Variants in FAM78A observed in about 807,000 individuals in gnomAD.
FAM78A encodes the protein family with sequence similarity 78 member A.
A neutral mutation model predicts 22.6 loss-of-function variants in FAM78A; 12 were observed. The observed-to-expected ratio is 0.53, with a 90% CI of 0.34 to 0.86. FAM78A has a LOEUF of 0.86. Ranked by LOEUF, FAM78A falls within the 40% of genes least tolerant of loss-of-function variation. The pLI is 0.02. For missense variants in FAM78A, 322 were observed against 396.1 expected (o/e 0.81, Z 1.59); for synonymous variants, 151 against 155.8 (o/e 0.97, Z 0.23).
At position 131,275,867 on chromosome 9, in the gene FAM78A, C is replaced by A; in HGVS notation, c.313G>T (p.Glu105Ter). Residue 105 changes from glutamate (E) to a stop codon, truncating the protein, a stop_gained, in exon 1 of 2, where the codon GAG becomes TAG. Transcript: ENST00000372271. LOFTEE classifies it high-confidence loss of function. This position sits in a 1 kb window ranked among gnomAD's most constrained non-coding sequence, Gnocchi z 4.6. The stretch of plus-strand genomic sequence containing the variant: ...CTCGGCCGTACTCACATGCCCTGCT[C>A]GCCGTACTGGTTGTAGAACTCCATG... ...SHMEFYNQYG[E>*]QGMSSWELPD... 6.3e-7 allele frequency: 1 copy of A among 1,590,518 alleles called. No individual in the cohort carries two copies. Among genetic ancestry groups the A allele is most frequent in the South Asian group, 1.1e-5 (1 of 87,742 alleles).
At chr9:131,269,537 C>T (rs188673410) in intron 1 of FAM78A, among the ~76,000 whole-genome samples, 15 of 151,768 alleles carry the variant, frequency 9.9e-5, no homozygotes, top group South Asian at 6.2e-4. Flanking sequence ...AGTGCAGTGG[C>T]GTGATCTCGG....
intron 1 of FAM78A, among the ~76,000 whole-genome samples, chr9:131,269,860 T>C (rs1835394958): frequency 6.6e-6 from 1 of 151,990 alleles, no homozygotes; most frequent in Admixed American, 6.6e-5. Flanking sequence ...GCCTCCAATA[T>C]GCAGGCCCTG....
At chr9:131,273,286 G>C (rs528349696) in intron 1 of FAM78A, among the ~76,000 whole-genome samples, 4 of 152,246 alleles carry the variant, frequency 2.6e-5, no homozygotes, top group Non-Finnish European at 5.9e-5. Flanking sequence ...CAAGGCCTAG[G>C]AGCCAAGACA....
intron 1 of FAM78A, among the ~76,000 whole-genome samples, chr9:131,267,425 G>A (rs1188221525): frequency 1.3e-5 from 2 of 152,132 alleles, no homozygotes; most frequent in Admixed American, 6.6e-5. Context: ...CCAGCTACTC[G>A]AGAAGCTAAG....
At chr9:131,264,300 GC>G (rs1274254563) in intron 1 of FAM78A, 4 of 409,964 alleles carry the variant, frequency 9.8e-6, no homozygotes, top group Non-Finnish European at 1.8e-5. Flanking sequence ...CCAGGCCCTG[GC>G]TCAGGCAAAG....
Position 131,260,718 on chromosome 9 carries a change from G to A in FAM78A, c.*104C>T, listed in dbSNP as rs1835252027. On this transcript the variant is annotated 3_prime_UTR_variant, in exon 2 of 2. Transcript: ENST00000372271. This position sits in a 1 kb window ranked among gnomAD's most constrained non-coding sequence, Gnocchi z 5.4. ...CACAGTGAGATCCGCCCGCTGGAGA[G>A]GGTAGAATGGTTGTATCTTGCTGAA... 3.4e-5 allele frequency: 48 copies of A among 1,403,262 alleles called. No homozygotes were observed. Among genetic ancestry groups the A allele is most frequent in the Non-Finnish European group, 4.3e-5 (45 of 1,051,946 alleles). The allele number at this position is 1,403,262 out of a possible 1,614,324, so 86.9% of individuals were successfully genotyped here.
rs1430427608 is a variant in FAM78A, at chr9:131,275,589, C to T, written c.323+268G>A. 1.3e-5 allele frequency among the ~76,000 whole-genome samples: 2 copies of T among 152,208 alleles called. No homozygotes were observed. Among genetic ancestry groups the T allele is most frequent in the Admixed American group, 6.5e-5 (1 of 15,280 alleles). On this transcript the variant is annotated intron_variant, in intron 1 of 1. Transcript: ENST00000372271. This position sits in a 1 kb window ranked among gnomAD's most constrained non-coding sequence, Gnocchi z 4.6. ...TGGGAGTAATGTCTCTCTGCTTTCTCGGCATCTTGCAGGGAAGGACACAGG... is the reference window on the plus strand; with the variant it reads ...TGGGAGTAATGTCTCTCTGCTTTCTTGGCATCTTGCAGGGAAGGACACAGG...
Position 131,265,737 on chromosome 9 carries a change from T to C in FAM78A, c.324-4387A>G, listed in dbSNP as rs924443077. 6.6e-6 allele frequency among the ~76,000 whole-genome samples: 1 copy of C among 152,090 alleles called. No individual in the cohort carries two copies. The highest frequency in any genetic ancestry group is 1.5e-5 in the Non-Finnish European group (1 of 68,002). On this transcript the variant is annotated intron_variant, in intron 1 of 1. Transcript: ENST00000372271. The surrounding 1 kb of genome is among the most constrained non-coding windows in gnomAD (Gnocchi z 4.3). ...GAGACGGCAGAGCCTTGAACCACGC[T>C]CAGGGCCCTTCTGAGTGCAGGCCCC...
At chr9:131,273,862 CCA>C (rs767225745) in intron 1 of FAM78A, among the ~76,000 whole-genome samples, 4 of 152,188 alleles carry the variant, frequency 2.6e-5, no homozygotes, top group South Asian at 2.1e-4. Flanking sequence ...CTTGCCAGCC[CCA>C]GTTTGCAGAT....
At chr9:131,267,509 G>A (rs940659962) in intron 1 of FAM78A, among the ~76,000 whole-genome samples, 2 of 152,018 alleles carry the variant, frequency 1.3e-5, no homozygotes, top group Non-Finnish European at 2.9e-5. Flanking sequence ...ACTCCAGCCT[G>A]GACAACAGAG....
chr9:131,269,823 C>T (rs1835394676), intron 1 of FAM78A, among the ~76,000 whole-genome samples: 1 of 152,064 alleles, frequency 6.6e-6, no homozygotes, highest in African/African-American at 2.4e-5. Flanking sequence ...TGATCATTAA[C>T]TCACTTGTTC....
In FAM78A at chr9:131,276,475, C is replaced by A. The variant is rs1835486126; in HGVS notation, c.-296G>T. 7.4e-6 allele frequency: 2 copies of A among 270,668 alleles called. No homozygotes were observed. Among genetic ancestry groups the A allele is most frequent in the African/African-American group, 2.2e-5 (1 of 44,786 alleles). 16.8% of individuals were successfully genotyped at this position (270,668 alleles called of 1,614,324 possible). ...CCCTTCTGTGCCTCACACGCGGGGACGGCAGCTCGCAGACTCTCCCTGAAG... is the reference window on the plus strand; with the variant it reads ...CCCTTCTGTGCCTCACACGCGGGGAAGGCAGCTCGCAGACTCTCCCTGAAG... On this transcript the variant is annotated 5_prime_UTR_variant, in exon 1 of 2. Coordinates refer to ENST00000372271, the MANE Select transcript of FAM78A (RefSeq NM_033387.4). This position sits in a 1 kb window ranked among gnomAD's most constrained non-coding sequence, Gnocchi z 4.3.
At chr9:131,266,594 C>G (rs1057350008) in intron 1 of FAM78A, among the ~76,000 whole-genome samples, 17 of 152,194 alleles carry the variant, frequency 1.1e-4, no homozygotes, top group Admixed American at 1.0e-3. Flanking sequence ...CCCAAAGAAG[C>G]CTGCCTGGAC....
intron 1 of FAM78A, among the ~76,000 whole-genome samples, chr9:131,273,372 G>C (rs73545956): frequency 6.6e-6 from 1 of 152,160 alleles, no homozygotes; most frequent in Admixed American, 6.5e-5. Context: ...CCTGGGGCTG[G>C]TCCCCGTGTA....
upstream of FAM78A, among the ~76,000 whole-genome samples, chr9:131,280,844 A>G (rs891110569): frequency 1.3e-5 from 2 of 152,186 alleles, no homozygotes; most frequent in Non-Finnish European, 2.9e-5. Flanking sequence ...GCTTTCCACA[A>G]TGATCCCAGA....
chr9:131,265,983 C>A lies in FAM78A; in HGVS notation c.324-4633G>T, dbSNP rs1488151025. 6.6e-6 allele frequency among the ~76,000 whole-genome samples: 1 copy of A among 152,220 alleles called. No homozygotes were observed. Among genetic ancestry groups the A allele is most frequent in the Non-Finnish European group, 1.5e-5 (1 of 68,032 alleles). On this transcript the variant is annotated intron_variant, in intron 1 of 1. Coordinates refer to ENST00000372271, the MANE Select transcript of FAM78A (RefSeq NM_033387.4). The surrounding 1 kb of genome is among the most constrained non-coding windows in gnomAD (Gnocchi z 4.3). ...CTGAGTCCCATCATCACCCACCCAA[C>A]AAACATCTGCAGGGCACCTGCTTTC...
In FAM78A at chr9:131,258,964, C is replaced by T. The variant is rs1018954161; in HGVS notation, c.*1858G>A. 1.3e-5 allele frequency: 2 copies of T among 152,578 alleles called. No individual in the cohort carries two copies. Among genetic ancestry groups the T allele is most frequent in the Non-Finnish European group, 2.9e-5 (2 of 68,036 alleles). 9.5% of individuals were successfully genotyped at this position (152,578 alleles called of 1,614,324 possible). ...GGCACGAGCTGGGCCCGGAGACCGA[C>T]GGCAGTGGCTAAACGGTCATTAAGC... On this transcript the variant is annotated 3_prime_UTR_variant, in exon 2 of 2. Coordinates refer to ENST00000372271, the MANE Select transcript of FAM78A (RefSeq NM_033387.4).
upstream of FAM78A, among the ~76,000 whole-genome samples, chr9:131,279,254 C>A (rs1479749967): frequency 1.3e-5 from 2 of 152,260 alleles, no homozygotes; most frequent in Non-Finnish European, 2.9e-5. Context: ...CAGGGCTCTA[C>A]ATAAATGTCC....
At chr9:131,278,841 C>T (rs1172133823), upstream of FAM78A, among the ~76,000 whole-genome samples, 4 of 152,392 alleles carry the variant, frequency 2.6e-5, no homozygotes, top group South Asian at 2.1e-4. Context: ...ATGACTCTGA[C>T]TTCCACAGGT....
Sources: gnomAD v4.1 joint callset for allele counts (sites outside exome capture counted in the v4.1 genomes callset) on GRCh38, gnomAD v4.1.1 for gene constraint, Gnocchi (gnomAD v3.1) non-coding constraint, MANE v1.5 for transcripts, NCBI Gene and HGNC (gene_info 2026-07-23, HGNC 2026-07-21) for gene names.